KCTD8: variants seen among roughly 807,000 people sequenced by gnomAD.
The protein encoded by KCTD8 is potassium channel tetramerization domain containing 8.
In KCTD8, 27 loss-of-function variants were observed where a neutral mutation model predicts 31.5. The observed-to-expected ratio is 0.86, with a 90% CI of 0.63 to 1.18. KCTD8 has a LOEUF of 1.18. KCTD8 is among the 50% of genes most tolerant of loss of function. The probability of loss-of-function intolerance (pLI) is 0.00; values close to 1 mark genes in which losing one functional copy is unlikely to be tolerated. For missense variants in KCTD8, 658 were observed against 647.7 expected (o/e 1.02, Z -0.17); for synonymous variants, 290 against 280.0 (o/e 1.04, Z -0.36).
Position 44,294,372 on chromosome 4 carries a change from T to A in KCTD8, c.962-119122A>T, listed in dbSNP as rs150812467. 1.7e-4 allele frequency among the ~76,000 whole-genome samples: 26 copies of A among 152,320 alleles called. No individual in the cohort carries two copies. In the East Asian group the frequency reaches 4.8e-3, roughly 28 times the overall value. On this transcript the variant is annotated intron_variant, in intron 1 of 1. Coordinates refer to ENST00000360029, the MANE Select transcript of KCTD8 (RefSeq NM_198353.3). ...AAGATAGGTACATAAAAACACATTC[T>A]GCCCAAAGATTTCATAAATTGAAAC...
At chr4:44,315,913 G>C (rs889820048) in intron 1 of KCTD8, among the ~76,000 whole-genome samples, 1 of 151,908 alleles carries the variant, frequency 6.6e-6, no homozygotes, top group Non-Finnish European at 1.5e-5. Flanking sequence ...CTTTAATCTT[G>C]ATATTATGAA....
chr4:44,175,018 T>C lies in KCTD8; in HGVS notation c.1194A>G (p.Val398=), dbSNP rs145962211. ...GTTTGTCTGGTGGGGGTATCCATTG[T>C]ACAGGTGCTTTTTTAGAGGGGCGAT... ...TLDRPSKKAP[V]QWIPPPDKRR... is the part of the protein sequence containing the mutation. The change falls in exon 2 of 2, where the codon GTA becomes GTG. Residue 398 remains valine (V), a synonymous_variant. Coordinates refer to ENST00000360029, the MANE Select transcript of KCTD8 (RefSeq NM_198353.3). 1.0e-4 allele frequency: 168 copies of C among 1,614,118 alleles called. No homozygotes were observed. The African/African-American group carries it at 1.7e-3, about 16-fold the overall frequency.
At chr4:44,317,228 C>CTGTTTTTTTTTTTTTT (rs1718156921) in intron 1 of KCTD8, among the ~76,000 whole-genome samples, 1 of 36,536 alleles carries the variant, frequency 2.7e-5, no homozygotes, top group African/African-American at 1.2e-4. Flanking sequence ...TGGGTGCTTT[C>CTGTTTTTTTTTTTTTT]TTTTTTTTTT....
chr4:44,198,400 G>C (rs890784438), intron 1 of KCTD8, among the ~76,000 whole-genome samples: 32 of 152,256 alleles, frequency 2.1e-4, no homozygotes, highest in African/African-American at 7.5e-4. Flanking sequence ...CTTAAAGGCA[G>C]ATATAGAGAA....
intron 1 of KCTD8, among the ~76,000 whole-genome samples, chr4:44,222,012 A>G (rs987235251): frequency 6.6e-6 from 1 of 152,216 alleles, no homozygotes; most frequent in African/African-American, 2.4e-5. Context: ...TAAAATCAAT[A>G]ACCATGTCTG....
rs537712090 is a variant in KCTD8 at position 44,408,653 on chromosome 4, G to A, written c.961+38910C>T. 2.2e-4 allele frequency among the ~76,000 whole-genome samples: 33 copies of A among 152,160 alleles called. No individual in the cohort carries two copies. The South Asian group carries it at 3.1e-3, about 14-fold the overall frequency. ...TGTTTGTTTTTAGACGGAGTCTTGC[G>A]CTGTTGCCAGCCTGGAGTGGAGTGG... On this transcript the variant is annotated intron_variant, in intron 1 of 1. Coordinates refer to ENST00000360029, the MANE Select transcript of KCTD8 (RefSeq NM_198353.3).
At chr4:44,251,836 C>CT (rs1560406412) in intron 1 of KCTD8, among the ~76,000 whole-genome samples, 2 of 150,802 alleles carry the variant, frequency 1.3e-5, no homozygotes, top group South Asian at 2.1e-4. Context: ...TTTTGATATG[C>CT]TTTTTTTTCT....
At chr4:44,390,030 A>G (rs1319587509) in intron 1 of KCTD8, among the ~76,000 whole-genome samples, 1 of 151,790 alleles carries the variant, frequency 6.6e-6, no homozygotes, top group African/African-American at 2.4e-5. Context: ...TAGATTCTGG[A>G]TATTAGTTCT....
chr4:44,270,614 A>T (rs1379829000), intron 1 of KCTD8, among the ~76,000 whole-genome samples: 2 of 152,122 alleles, frequency 1.3e-5, no homozygotes, highest in African/African-American at 2.4e-5. Context: ...TTAAGACCAA[A>T]CAGTTGGGTT....
chr4:44,204,499 T>C (rs971392846), intron 1 of KCTD8, among the ~76,000 whole-genome samples: 4 of 152,148 alleles, frequency 2.6e-5, no homozygotes, highest in Non-Finnish European at 2.9e-5. Flanking sequence ...CCCCCAGTCA[T>C]GTACCCCCTG....
chr4:44,222,402 C>T (rs770771868), intron 1 of KCTD8, among the ~76,000 whole-genome samples: 1 of 152,158 alleles, frequency 6.6e-6, no homozygotes, highest in African/African-American at 2.4e-5. Context: ...CTTTCATTAA[C>T]CCCAACCTTG....
intron 1 of KCTD8, among the ~76,000 whole-genome samples, chr4:44,316,264 T>C (rs1271349466): frequency 6.6e-6 from 1 of 152,176 alleles, no homozygotes; most frequent in Non-Finnish European, 1.5e-5. Context: ...TCCACACTCA[T>C]TTATTAAATT....
intron 1 of KCTD8, among the ~76,000 whole-genome samples, chr4:44,430,289 AAGAC>A (rs1721442218): frequency 1.3e-5 from 2 of 151,670 alleles, no homozygotes; most frequent in African/African-American, 4.8e-5. Context: ...AAAAAGAAAA[AAGAC>A]AGAGGAGCAA....
chr4:44,419,516 C>T (rs1185692464), intron 1 of KCTD8, among the ~76,000 whole-genome samples: 1 of 152,120 alleles, frequency 6.6e-6, no homozygotes, highest in African/African-American at 2.4e-5. Flanking sequence ...CACATTTATG[C>T]AGCCATATAA....
intron 1 of KCTD8, among the ~76,000 whole-genome samples, chr4:44,299,221 T>C (rs1476525564): frequency 6.6e-6 from 1 of 152,046 alleles, no homozygotes; most frequent in Non-Finnish European, 1.5e-5. Context: ...ATATGTAAAA[T>C]CTCATTTGTT....
At chr4:44,321,281 A>G (rs1191804572) in intron 1 of KCTD8, among the ~76,000 whole-genome samples, 1 of 152,214 alleles carries the variant, frequency 6.6e-6, no homozygotes, top group Non-Finnish European at 1.5e-5. Flanking sequence ...GGACCTTACA[A>G]ACAGTATGCA....
intron 1 of KCTD8, among the ~76,000 whole-genome samples, chr4:44,311,729 T>C (rs1333983043): frequency 6.6e-6 from 1 of 151,918 alleles, no homozygotes; most frequent in Non-Finnish European, 1.5e-5. Context: ...ATTCAGGTTC[T>C]GAAAAAGAAA....
chr4:44,303,513 G>T (rs760943033), intron 1 of KCTD8, among the ~76,000 whole-genome samples: 1 of 152,034 alleles, frequency 6.6e-6, no homozygotes, highest in Admixed American at 6.6e-5. Context: ...GCTTAGAGGT[G>T]TAATAAGAAC....
rs570536147 is a variant in KCTD8 at position 44,389,760 on chromosome 4, A to G, written c.961+57803T>C. On this transcript the variant is annotated intron_variant, in intron 1 of 1. Transcript: ENST00000360029. ...TTTATGTGTATTTTACCACAATTAAATTCTTTCAAAAATACAGTTGGCACA... is the reference window on the plus strand; with the variant it reads ...TTTATGTGTATTTTACCACAATTAAGTTCTTTCAAAAATACAGTTGGCACA... 1.5e-3 allele frequency among the ~76,000 whole-genome samples: 222 copies of G among 152,010 alleles called. 1 individual carries two copies. The highest frequency in any genetic ancestry group is 0.01 in the Middle Eastern group (3 of 294).
Sources: gnomAD v4.1 joint callset for allele counts (sites outside exome capture counted in the v4.1 genomes callset) on GRCh38, gnomAD v4.1.1 for gene constraint, MANE v1.5 for transcripts, NCBI Gene and HGNC (gene_info 2026-07-23, HGNC 2026-07-21) for gene names.